Variants in LITAF observed in about 807,000 individuals in gnomAD.
The protein encoded by LITAF is lipopolysaccharide-induced tumor necrosis factor-alpha factor.
A neutral mutation model predicts 14.5 loss-of-function variants in LITAF; 9 were observed. The ratio of observed to expected loss-of-function variants is 0.62; its 90% CI spans 0.37 to 1.08. The LOEUF (loss-of-function observed/expected upper bound fraction) is 1.08. Ranked by LOEUF, LITAF falls within the 50% of genes least tolerant of loss-of-function variation. LITAF has a pLI of 0.01. For synonymous variants in LITAF, 98 were observed against 88.2 expected (o/e 1.11, Z -0.62); for missense variants, 206 against 213.4 (o/e 0.97, Z 0.22).
chr16:11,550,147 C>G lies in LITAF; in HGVS notation c.378-402G>C, dbSNP rs528722273. 7.2e-5 allele frequency among the ~76,000 whole-genome samples: 11 copies of G among 152,304 alleles called. No individual in the cohort carries two copies. In the South Asian group the frequency reaches 2.1e-3, roughly 29 times the overall value. On this transcript the variant is annotated intron_variant, in intron 3 of 3. Coordinates refer to ENST00000622633, the MANE Select transcript of LITAF (RefSeq NM_001136472.2). ...TTTGTTTTTGAGATGGAGTCTCGCT[C>G]TGTCGCCCAGGGTTCAAGCAATTCT...
In LITAF at chr16:11,549,748, G is replaced by T; in HGVS notation, c.378-3C>A. The stretch of plus-strand genomic sequence containing the variant: ...TGAAGCAGCAGCCCGCTATGCACCT[G>T]GGAGGAGAGAGAGACACACGGAGCG... On this transcript the variant is annotated splice_region_variant and splice_polypyrimidine_tract_variant and intron_variant, in intron 3 of 3. Coordinates refer to ENST00000622633, the MANE Select transcript of LITAF (RefSeq NM_001136472.2). The surrounding 1 kb of genome is among the most constrained non-coding windows in gnomAD (Gnocchi z 4.6). 6.2e-7 allele frequency: 1 copy of T among 1,610,814 alleles called. No individual in the cohort carries two copies. Among genetic ancestry groups the T allele is most frequent in the South Asian group, 1.1e-5 (1 of 90,586 alleles).
upstream of LITAF, chr16:11,587,169 G>A (rs2064817520): frequency 7.1e-6 from 2 of 282,234 alleles, no homozygotes; most frequent in Admixed American, 4.5e-5. Context: ...CGCCTGGCGC[G>A]GACCTGGTGT....
At position 11,634,081 on chromosome 16, in the gene LITAF, T is replaced by G. The variant is rs74365221; in HGVS notation, c.-20-444A>C. 5.3e-4 allele frequency among the ~76,000 whole-genome samples: 80 copies of G among 152,316 alleles called. 1 individual carries two copies. The East Asian group carries it at 0.01, about 19-fold the overall frequency. On this transcript the variant is annotated intron_variant, in intron 2 of 3. Transcript: ENST00000574848. This position sits in a 1 kb window ranked among gnomAD's most constrained non-coding sequence, Gnocchi z 4.1. ...ACATACAGAACCTCAACAACTCACA[T>G]GCAAATGGACACACAGACATGAATA...
chr16:11,630,905 C>G (rs1349588282), intron 3 of LITAF, among the ~76,000 whole-genome samples: 1 of 152,124 alleles, frequency 6.6e-6, no homozygotes, highest in Non-Finnish European at 1.5e-5. Flanking sequence ...CCTGCCATTA[C>G]CTTTGATGCA....
At chr16:11,595,595 C>G (rs1047122363) in intron 1 of LITAF, among the ~76,000 whole-genome samples, 3 of 151,956 alleles carry the variant, frequency 2.0e-5, no homozygotes, top group Admixed American at 6.6e-5. Flanking sequence ...CGGGCATGGT[C>G]GGGGACTCCT....
At position 11,562,276 on chromosome 16, in the gene LITAF, T is replaced by G. The variant is rs2064380632; in HGVS notation, c.-5-5541A>C. 6.3e-5 allele frequency among the ~76,000 whole-genome samples: 8 copies of G among 126,684 alleles called. No homozygotes were observed. The South Asian group carries it at 2.0e-3, about 32-fold the overall frequency. 83.1% of individuals were successfully genotyped at this position (126,684 alleles called of 152,430 possible). A position where few individuals can be genotyped will look rare whatever the true frequency, so the allele number is the denominator to read the frequency against. On this transcript the variant is annotated intron_variant, in intron 1 of 3. Coordinates refer to ENST00000622633, the MANE Select transcript of LITAF (RefSeq NM_001136472.2). ...CTGCAGTGAGCCGAGATCGTGTCAC[T>G]GCACTCCAGCCTGGGTGACTGAGCG... is the stretch of plus-strand genomic sequence containing the variant.
chr16:11,595,597 G>T (rs1005526836), intron 1 of LITAF, among the ~76,000 whole-genome samples: 1 of 152,056 alleles, frequency 6.6e-6, no homozygotes, highest in Non-Finnish European at 1.5e-5. Context: ...GGCATGGTCG[G>T]GGACTCCTGT....
chr16:11,599,337 C>T (rs771714264), upstream of LITAF, among the ~76,000 whole-genome samples: 1 of 152,080 alleles, frequency 6.6e-6, no homozygotes, highest in African/African-American at 2.4e-5. Context: ...AAGCTGGTCT[C>T]GAACTCCTGA....
At chr16:11,638,024 C>CTATA (rs1555475693), upstream of LITAF, among the ~76,000 whole-genome samples, 3 of 72,160 alleles carry the variant, frequency 4.2e-5, 1 homozygote, top group African/African-American at 3.6e-4. Flanking sequence ...CTATATATAT[C>CTATA]TATATATCTA....
intron 1 of LITAF, among the ~76,000 whole-genome samples, chr16:11,580,333 C>T (rs886513606): frequency 6.6e-6 from 1 of 151,950 alleles, no homozygotes; most frequent in African/African-American, 2.4e-5. Context: ...TCTCAGCTCA[C>T]TGTAACCTCT....
chr16:11,556,423 T>C lies in LITAF; in HGVS notation c.220+88A>G, dbSNP rs759402937. The stretch of plus-strand genomic sequence containing the variant: ...GAACGTACTGGCACTTCACTTAGAC[T>C]CTTTGGCAGAGTCACTTCGGTCACT... On this transcript the variant is annotated intron_variant, in intron 2 of 3. Coordinates refer to ENST00000622633, the MANE Select transcript of LITAF (RefSeq NM_001136472.2). The C allele has an allele frequency of 5.1e-6, 6 of 1,183,422 alleles. No homozygotes were observed. In the South Asian group the frequency reaches 8.6e-5, roughly 17 times the overall value. 73.3% of individuals were successfully genotyped at this position (1,183,422 alleles called of 1,614,324 possible).
intron 1 of LITAF, among the ~76,000 whole-genome samples, chr16:11,560,253 C>T (rs943089032): frequency 4.0e-5 from 6 of 151,894 alleles, no homozygotes; most frequent in African/African-American, 4.8e-5. Context: ...GCTGAGATTG[C>T]GCCATTGCAC....
intron 1 of LITAF, among the ~76,000 whole-genome samples, chr16:11,585,872 A>C (rs1284373527): frequency 6.6e-6 from 1 of 152,174 alleles, no homozygotes; most frequent in African/African-American, 2.4e-5. Flanking sequence ...GCTCAGTCCA[A>C]CAGCCAGTGA....
At chr16:11,579,254 A>G (rs1489805806) in intron 1 of LITAF, among the ~76,000 whole-genome samples, 1 of 151,756 alleles carries the variant, frequency 6.6e-6, no homozygotes, top group Non-Finnish European at 1.5e-5. Context: ...GATCGAGACC[A>G]TCCTGGCTAA....
chr16:11,595,495 C>T (rs981943003), intron 1 of LITAF, among the ~76,000 whole-genome samples: 1 of 152,012 alleles, frequency 6.6e-6, no homozygotes, highest in Non-Finnish European at 1.5e-5. Flanking sequence ...TTTGGGAGGC[C>T]GAGGCGGGTG....
At chr16:11,623,396 T>G (rs1193653799) in intron 3 of LITAF, among the ~76,000 whole-genome samples, 1 of 151,380 alleles carries the variant, frequency 6.6e-6, no homozygotes, top group Non-Finnish European at 1.5e-5. Flanking sequence ...GCGTGGTGGC[T>G]CACACCTGTA....
chr16:11,589,227 G>A (rs1358827127), upstream of LITAF, among the ~76,000 whole-genome samples: 3 of 152,126 alleles, frequency 2.0e-5, no homozygotes, highest in African/African-American at 7.2e-5. Context: ...AGCATTTGAA[G>A]AAATCCAATA....
rs1404345474 is a variant in LITAF at position 11,549,577 on chromosome 16, T to C, written c.*60A>G. On this transcript the variant is annotated 3_prime_UTR_variant, in exon 4 of 4. Coordinates refer to ENST00000622633, the MANE Select transcript of LITAF (RefSeq NM_001136472.2). The surrounding 1 kb of genome is among the most constrained non-coding windows in gnomAD (Gnocchi z 4.6). ...GCAGAACCTCCACCAGGCGTGAAGC[T>C]GGATGAGAGGTGGAAAGGACTTCCT... is the stretch of plus-strand genomic sequence containing the variant. The C allele has an allele frequency of 7.8e-7, 1 of 1,283,166 alleles. No homozygotes were observed. 79.5% of individuals were successfully genotyped at this position (1,283,166 alleles called of 1,614,324 possible).
intron 3 of LITAF, among the ~76,000 whole-genome samples, chr16:11,610,879 G>A (rs1475916459): frequency 1.3e-5 from 2 of 152,082 alleles, no homozygotes; most frequent in African/African-American, 2.4e-5. Context: ...TGAATCAGTG[G>A]CCAATTTGTA....
Sources: gnomAD v4.1 joint callset for allele counts (sites outside exome capture counted in the v4.1 genomes callset) on GRCh38, gnomAD v4.1.1 for gene constraint, Gnocchi (gnomAD v3.1) non-coding constraint, MANE v1.5 for transcripts, NCBI Gene and HGNC (gene_info 2026-07-23, HGNC 2026-07-21) for gene names.